The following ACACB variants were observed in gnomAD, a reference collection of about 807,000 sequenced individuals.
ACACB encodes the protein acetyl-CoA carboxylase 2.
ACACB carries 209 observed loss-of-function variants against 278.8 expected under a neutral mutation model. The ratio of observed to expected loss-of-function variants is 0.75; its 90% CI spans 0.67 to 0.84. ACACB has a LOEUF of 0.84. Among genes scored for constraint, ACACB ranks in the 40% least tolerant of loss-of-function variants. The pLI is 0.00. For missense variants in ACACB, 2,850 were observed against 3,269.0 expected (o/e 0.87, Z 3.13); for synonymous variants, 1,174 against 1,285.6 (o/e 0.91, Z 1.86).
At chr12:109,210,472 CATGTGTAT>C (rs1188535497) in intron 21 of ACACB, among the ~76,000 whole-genome samples, 11 of 144,666 alleles carry the variant, frequency 7.6e-5, no homozygotes, top group Non-Finnish European at 1.2e-4. Flanking sequence ...TACGCACATA[CATGTGTAT>C]ATGTGTATAT....
In ACACB at chr12:109,227,503, C is replaced by A; in HGVS notation, c.4001+14C>A. Reference sequence around the variant, plus strand: ...CCACCCAAACCGGTATGGAGTGGGACACACCCAGGGACGGCCTGTGTTTCT... The same window carrying A: ...CCACCCAAACCGGTATGGAGTGGGAAACACCCAGGGACGGCCTGTGTTTCT... On this transcript the variant is annotated intron_variant, in intron 28 of 52. Transcript: ENST00000338432. The A allele has an allele frequency of 6.2e-7, 1 of 1,606,968 alleles. No individual in the cohort carries two copies.
intron 47 of ACACB, chr12:109,260,159 G>A: frequency 7.1e-7 from 1 of 1,412,806 alleles, no homozygotes; most frequent in South Asian, 1.1e-5. Context: ...TGTTAGTGAG[G>A]GTTTTCTTTG....
intron 42 of ACACB, 48 bp downstream of exon 42, chr12:109,252,204 T>G (rs1399257242): frequency 2.3e-6 from 3 of 1,326,632 alleles, no homozygotes; most frequent in Non-Finnish European, 2.1e-6. Context: ...GGGCCAGGAG[T>G]CATTTTAACA....
At chr12:109,160,559 T>C (rs2043691345) in intron 2 of ACACB, among the ~76,000 whole-genome samples, 1 of 152,170 alleles carries the variant, frequency 6.6e-6, no homozygotes, top group Admixed American at 6.5e-5. Context: ...CTGAAGTCAT[T>C]TCCAAAGTCA....
chr12:109,189,597 C>T (rs1454579571), intron 13 of ACACB, among the ~76,000 whole-genome samples: 1 of 152,142 alleles, frequency 6.6e-6, no homozygotes, highest in Admixed American at 6.5e-5. Context: ...CTTCTCAGTG[C>T]TAAAATGGGG....
At chr12:109,151,489 A>G (rs1391815975) in intron 2 of ACACB, among the ~76,000 whole-genome samples, 1 of 151,282 alleles carries the variant, frequency 6.6e-6, no homozygotes, top group Non-Finnish European at 1.5e-5. Context: ...ATTGAAAGAG[A>G]TTATTTCATT....
At chr12:109,179,330 G>T in intron 10 of ACACB, 33 bp downstream of exon 10, 1 of 1,597,936 alleles carries the variant, frequency 6.3e-7, no homozygotes. Flanking sequence ...GGCAGCTTCA[G>T]AGAGAGCCGT....
rs768083563 is a variant in ACACB at position 109,259,088 on chromosome 12, G to A, written c.6476G>A (p.Gly2159Glu). ...LPLMIFANWR[G>E]FSGGMKDMYD... ...CTGATGATCTTTGCCAACTGGAGGG[G>A]GTTCTCCGGTGGCATGAAAGGTAAG... The change falls in exon 47 of 53, where the codon GGG becomes GAG. Residue 2159 changes from glycine (G) to glutamate (E), a missense_variant. Coordinates refer to ENST00000338432, the MANE Select transcript of ACACB (RefSeq NM_001093.4). The A allele has an allele frequency of 4.3e-6, 7 of 1,614,108 alleles. No homozygotes were observed. The highest frequency in any genetic ancestry group is 5.1e-6 in the Non-Finnish European group (6 of 1,180,022).
intron 13 of ACACB, among the ~76,000 whole-genome samples, chr12:109,190,544 G>C (rs1214482134): frequency 6.6e-6 from 1 of 152,250 alleles, no homozygotes; most frequent in Non-Finnish European, 1.5e-5. Flanking sequence ...TGTGTGGAAG[G>C]TGAGAGGGTG....
Position 109,140,066 on chromosome 12 carries a change from G to T in ACACB, c.653+8G>T, listed in dbSNP as rs562863654. 4 of 1,571,872 alleles carry T rather than the reference G, an allele frequency of 2.5e-6. No individual in the cohort carries two copies. Among genetic ancestry groups the T allele is most frequent in the Non-Finnish European group, 3.4e-6 (4 of 1,164,828 alleles). The stretch of plus-strand genomic sequence containing the variant: ...CCGCGTCCCCACTATGAGGTAATGT[G>T]CATTTTCTCCTTGTAACTGAGGAGT... On this transcript the variant is annotated splice_region_variant and intron_variant, in intron 2 of 52. Transcript: ENST00000338432.
intron 2 of ACACB, among the ~76,000 whole-genome samples, chr12:109,141,104 T>C (rs560209614): frequency 6.6e-6 from 1 of 152,016 alleles, no homozygotes; most frequent in South Asian, 2.1e-4. Flanking sequence ...AATCTCACCA[T>C]ATTGCCCAGG....
intron 47 of ACACB, 81 bp downstream of exon 47, chr12:109,259,189 G>T (rs2047313870): frequency 6.6e-7 from 1 of 1,505,510 alleles, no homozygotes; most frequent in South Asian, 1.2e-5. Context: ...TGATGCTAAT[G>T]TCCTAGTCTG....
chr12:109,115,976 G>A (rs899168209), upstream of ACACB, among the ~76,000 whole-genome samples: 2 of 152,212 alleles, frequency 1.3e-5, no homozygotes, highest in African/African-American at 4.8e-5. Context: ...CCTTGGAGGC[G>A]ACCTTTGTCC....
intron 12 of ACACB, among the ~76,000 whole-genome samples, chr12:109,187,038 C>T (rs573513207): frequency 6.6e-6 from 1 of 150,488 alleles, no homozygotes; most frequent in Non-Finnish European, 1.5e-5. Context: ...TTGGCAGCAG[C>T]CTGGCCGATG....
chr12:109,206,574 T>C, intron 19 of ACACB, 136 bp from the exon 20 acceptor site: 2 of 1,086,810 alleles, frequency 1.8e-6, no homozygotes, highest in South Asian at 1.6e-5. Context: ...CAGTTCATTG[T>C]CTTTGATTTT....
intron 38 of ACACB, among the ~76,000 whole-genome samples, 176 bp from the exon 39 acceptor site, chr12:109,246,003 T>C (rs1310586925): frequency 1.3e-5 from 2 of 152,034 alleles, no homozygotes; most frequent in African/African-American, 4.8e-5. Flanking sequence ...GCAGGAGTGA[T>C]TGCTTAAGCC....
chr12:109,262,982 A>ATATATATATT (rs1168270528), intron 49 of ACACB: 2 of 137,634 alleles, frequency 1.5e-5, no homozygotes, highest in Non-Finnish European at 3.1e-5. Context: ...ATATATATAT[A>ATATATATATT]TTGCCATCGT....
At chr12:109,255,995 C>A in intron 44 of ACACB, 145 bp from the exon 45 acceptor site, 1 of 591,476 alleles carries the variant, frequency 1.7e-6, no homozygotes, top group Non-Finnish European at 3.1e-6. Context: ...AGGGGTTGGG[C>A]TGTGTGGTTT....
At chr12:109,186,080 G>A (rs1236611644) in intron 12 of ACACB, among the ~76,000 whole-genome samples, 2 of 151,972 alleles carry the variant, frequency 1.3e-5, no homozygotes, top group African/African-American at 4.8e-5. Context: ...ACAGGCGCCC[G>A]CCACCACGCC....
Sources: allele counts gnomAD v4.1 joint callset (sites outside exome capture counted in the v4.1 genomes callset), GRCh38; gene constraint gnomAD v4.1.1; transcripts MANE v1.5; gene names NCBI Gene and HGNC (gene_info 2026-07-23, HGNC 2026-07-21).